The following SNTB1 variants were observed in gnomAD, a reference collection of about 807,000 sequenced individuals.
The protein encoded by SNTB1 is syntrophin beta 1.
Under a neutral mutation model 48.9 loss-of-function variants are expected in SNTB1, and 36 were observed. That is an observed-to-expected ratio of 0.74 (90% CI 0.56 to 0.97). The LOEUF is 0.97. Among genes scored for constraint, SNTB1 ranks in the 50% least tolerant of loss-of-function variants. SNTB1 has a pLI of 0.00. For synonymous variants in SNTB1, 299 were observed against 294.6 expected, an observed-to-expected ratio of 1.01 and a Z score of -0.15; for missense variants, 786 against 703.4, an observed-to-expected ratio of 1.12 and a Z score of -1.33.
In SNTB1 at chr8:120,602,555, C is replaced by T. The variant is rs115011005; in HGVS notation, c.997-27330G>A. Among the ~76,000 whole-genome samples, 355 of 152,264 alleles carry T rather than the reference C, an allele frequency of 2.3e-3. 4 individuals are homozygous for T. Among genetic ancestry groups the T allele is most frequent in the African/African-American group, 8.3e-3 (343 of 41,552 alleles). On this transcript the variant is annotated intron_variant, in intron 3 of 6. Coordinates refer to ENST00000517992, the MANE Select transcript of SNTB1 (RefSeq NM_021021.4). Reference sequence around the variant, plus strand: ...TAACTTCATCTGTTGCCACAATTTCCAGCCAGCTAGTCCACCCTGCAGATT... The same window carrying T: ...TAACTTCATCTGTTGCCACAATTTCTAGCCAGCTAGTCCACCCTGCAGATT...
At chr8:120,801,267 T>G (rs943205603) in intron 1 of SNTB1, among the ~76,000 whole-genome samples, 2 of 152,064 alleles carry the variant, frequency 1.3e-5, no homozygotes. Flanking sequence ...TACCTATATT[T>G]TAAGTTTCAC....
intron 1 of SNTB1, among the ~76,000 whole-genome samples, chr8:120,751,873 A>G (rs1210469018): frequency 6.6e-6 from 1 of 152,176 alleles, no homozygotes; most frequent in South Asian, 2.1e-4. Context: ...CGCTTTTTCA[A>G]CCCATTCTCA....
At chr8:120,685,625 T>C (rs377298544) in intron 2 of SNTB1, among the ~76,000 whole-genome samples, 39 of 152,204 alleles carry the variant, frequency 2.6e-4, no homozygotes, top group African/African-American at 8.9e-4. Flanking sequence ...GATGAATAAA[T>C]AGCATTGGGA....
intron 1 of SNTB1, among the ~76,000 whole-genome samples, chr8:120,727,087 G>C (rs1818769413): frequency 6.6e-6 from 1 of 152,212 alleles, no homozygotes; most frequent in Admixed American, 6.5e-5. Flanking sequence ...ACAGAAGTAA[G>C]AGAAACCAGA....
chr8:120,574,776 A>T (rs903605749), intron 4 of SNTB1, among the ~76,000 whole-genome samples: 2 of 152,136 alleles, frequency 1.3e-5, no homozygotes, highest in Admixed American at 1.3e-4. Flanking sequence ...GACTATAAAC[A>T]CATATGTCCA....
intron 2 of SNTB1, among the ~76,000 whole-genome samples, chr8:120,646,917 T>C (rs1056699863): frequency 5.3e-5 from 8 of 152,038 alleles, no homozygotes; most frequent in Non-Finnish European, 8.8e-5. Context: ...TCCAGGAATT[T>C]ATCCATTTCT....
chr8:120,641,171 A>G (rs1817189076), intron 2 of SNTB1, among the ~76,000 whole-genome samples: 1 of 152,172 alleles, frequency 6.6e-6, no homozygotes, highest in African/African-American at 2.4e-5. Flanking sequence ...GGGTGAGTTC[A>G]TTGTCTCCCA....
At chr8:120,811,134 C>G in intron 1 of SNTB1, 139 bp downstream of exon 1, 1 of 1,206,148 alleles carries the variant, frequency 8.3e-7, no homozygotes, top group South Asian at 1.7e-5. Flanking sequence ...CCACCCTTCC[C>G]CCCCCCCCAA....
rs147524712 is a variant in SNTB1, at chr8:120,553,736, A to G, written c.1137-4778T>C. Among the ~76,000 whole-genome samples, 1,003 of 152,340 alleles carry G rather than the reference A, an allele frequency of 6.6e-3. 12 individuals carry two copies. The highest frequency in any genetic ancestry group is 0.023 in the African/African-American group (942 of 41,588). ...CTAAGAGGCTGGACAGGGTGGCTGA[A>G]GCATGTAATCTCAGCACTTTGGGAA... On this transcript the variant is annotated intron_variant, in intron 4 of 6. Coordinates refer to ENST00000517992, the MANE Select transcript of SNTB1 (RefSeq NM_021021.4).
chr8:120,573,703 T>A (rs961940574), intron 4 of SNTB1, among the ~76,000 whole-genome samples: 1 of 152,252 alleles, frequency 6.6e-6, no homozygotes, highest in East Asian at 1.9e-4. Context: ...CATTTTGAGT[T>A]TATTTTTGTG....
intron 1 of SNTB1, among the ~76,000 whole-genome samples, chr8:120,712,230 C>A (rs369833020): frequency 6.6e-6 from 1 of 151,726 alleles, no homozygotes; most frequent in African/African-American, 2.4e-5. Flanking sequence ...CTGGCTAACA[C>A]GGTGAAACCC....
chr8:120,707,675 C>T (rs546265962), intron 1 of SNTB1, among the ~76,000 whole-genome samples: 1 of 152,046 alleles, frequency 6.6e-6, no homozygotes, highest in South Asian at 2.1e-4. Flanking sequence ...GTAGGCAAAT[C>T]GAGGTTCATA....
Position 120,629,739 on chromosome 8 carries a change from A to G in SNTB1, c.996+2705T>C, listed in dbSNP as rs139969011. On this transcript the variant is annotated intron_variant, in intron 3 of 6. Coordinates refer to ENST00000517992, the MANE Select transcript of SNTB1 (RefSeq NM_021021.4). ...TGAGAAGTGTGAAAATGAAGGCAAT[A>G]AAAGACATTCTTGCTTCTCATAATT... Among the ~76,000 whole-genome samples, 13 of 152,352 alleles carry G rather than the reference A, an allele frequency of 8.5e-5. No homozygotes were observed. The East Asian group carries it at 2.3e-3, about 27-fold the overall frequency.
chr8:120,672,686 T>C (rs1476016964), intron 2 of SNTB1, among the ~76,000 whole-genome samples: 2 of 152,208 alleles, frequency 1.3e-5, no homozygotes, highest in South Asian at 2.1e-4. Context: ...GAGAGTTAAG[T>C]ATCAGAGCCA....
At chr8:120,639,510 A>G (rs2129664088) in intron 2 of SNTB1, among the ~76,000 whole-genome samples, 1 of 152,252 alleles carries the variant, frequency 6.6e-6, no homozygotes, top group Admixed American at 6.5e-5. Context: ...TTATGGTTTT[A>G]GGTCTAACAT....
intron 1 of SNTB1, among the ~76,000 whole-genome samples, chr8:120,809,230 C>T (rs1224884875): frequency 1.3e-5 from 2 of 152,148 alleles, no homozygotes; most frequent in African/African-American, 4.8e-5. Flanking sequence ...GCAGGGCCTC[C>T]GCTTCTCTCA....
At chr8:120,745,409 G>C (rs543326867) in intron 1 of SNTB1, among the ~76,000 whole-genome samples, 1 of 152,024 alleles carries the variant, frequency 6.6e-6, no homozygotes, top group Non-Finnish European at 1.5e-5. Context: ...TCCTACAGAC[G>C]GAGAGAAGCC....
chr8:120,782,417 C>T (rs923533784), intron 1 of SNTB1, among the ~76,000 whole-genome samples: 28 of 120,266 alleles, frequency 2.3e-4, no homozygotes, highest in Admixed American at 1.8e-3. Context: ...TAAAAGAAAC[C>T]TTTTTTTAAA....
Position 120,610,541 on chromosome 8 carries a change from TTTTGTTTG to T in SNTB1, c.996+21895_996+21902del, listed in dbSNP as rs372906528. Among the ~76,000 whole-genome samples the T allele has an allele frequency of 5.1e-4, 77 of 152,158 alleles. 1 individual carries two copies. In the Middle Eastern group the frequency reaches 0.031, roughly 60 times the overall value. On this transcript the variant is annotated intron_variant, in intron 3 of 6. Coordinates refer to ENST00000517992, the MANE Select transcript of SNTB1 (RefSeq NM_021021.4). ...CAGCCCACTGAGCAGGACTAAAGTT[TTTTGTTTG>T]TTTGTTTGTTTTCCAGAGCAGGAGT...
Sources: gnomAD v4.1 joint callset for allele counts (sites outside exome capture counted in the v4.1 genomes callset) on GRCh38, gnomAD v4.1.1 for gene constraint, MANE v1.5 for transcripts, NCBI Gene and HGNC (gene_info 2026-07-23, HGNC 2026-07-21) for gene names.